Variants in ARL5C observed in about 807,000 individuals in gnomAD.
ARL5C encodes the protein putative ADP-ribosylation factor-like protein 5C.
A neutral mutation model predicts 20.8 loss-of-function variants in ARL5C; 21 were observed. That is an observed-to-expected ratio of 1.01 (90% CI 0.72 to 1.46). ARL5C has a LOEUF of 1.46. ARL5C is among the 40% of genes most tolerant of loss of function. The probability of loss-of-function intolerance (pLI) is 0.00; values close to 1 mark genes in which losing one functional copy is unlikely to be tolerated. For missense variants in ARL5C, 199 were observed against 225.1 expected (o/e 0.88, Z 0.74); for synonymous variants, 71 against 81.6 (o/e 0.87, Z 0.70).
chr17:39,161,846 A>T (rs920827473), intron 3 of ARL5C, among the ~76,000 whole-genome samples: 31 of 152,190 alleles, frequency 2.0e-4, no homozygotes, highest in African/African-American at 7.0e-4. Flanking sequence ...AGACATGGGA[A>T]TAGCACACCT....
chr17:39,166,013 G>A lies in ARL5C; in HGVS notation c.-253C>T. 1 of 536,746 alleles carries A rather than the reference G, an allele frequency of 1.9e-6. No homozygotes were observed. The highest frequency in any genetic ancestry group is 3.3e-6 in the Non-Finnish European group (1 of 298,580). The allele number at this position is 536,746 out of a possible 1,614,324, so 33.2% of individuals were successfully genotyped here. A position where few individuals can be genotyped will look rare whatever the true frequency, so the allele number is the denominator to read the frequency against. ...AGGTGCAAGGAATATGGGGGTTCCA[G>A]GCTCCAGCCCTCCCCCTCGCCCTGC... On this transcript the variant is annotated 5_prime_UTR_variant, in exon 1 of 6. Coordinates refer to ENST00000269586, the MANE Select transcript of ARL5C (RefSeq NM_001143968.1).
At chr17:39,165,657 G>C in intron 1 of ARL5C, 58 bp downstream of exon 1, 5 of 1,548,310 alleles carry the variant, frequency 3.2e-6, no homozygotes, top group Non-Finnish European at 4.4e-6. Context: ...CAGATCAGAG[G>C]AGTCCCAGAA....
At chr17:39,164,115 G>A (rs1196087549) in intron 2 of ARL5C, 1 of 151,864 alleles carries the variant, frequency 6.6e-6, no homozygotes, top group Non-Finnish European at 1.5e-5. Flanking sequence ...GTAGAGACGA[G>A]GTTTCACCAT....
intron 2 of ARL5C, among the ~76,000 whole-genome samples, chr17:39,163,346 CT>C (rs1173452819): frequency 5.4e-5 from 1 of 18,612 alleles, no homozygotes; most frequent in Non-Finnish European, 9.4e-5. Flanking sequence ...AGGCTTTTGC[CT>C]TTCTTTCTTT....
At chr17:39,162,907 A>T (rs1021661485) in intron 2 of ARL5C, 49 bp from the exon 3 acceptor site, 2 of 1,535,456 alleles carry the variant, frequency 1.3e-6, no homozygotes, top group Admixed American at 4.0e-5. Context: ...CCTACTCCCA[A>T]CTCTGGCCCC....
At chr17:39,156,863 CA>C (rs1567779338), downstream of ARL5C, 6 of 1,551,248 alleles carry the variant, frequency 3.9e-6, no homozygotes, top group Non-Finnish European at 5.2e-6. Context: ...TGCAAAACCC[CA>C]AAGTTTCTGG....
chr17:39,158,039 A>G (rs901840029), intron 5 of ARL5C, among the ~76,000 whole-genome samples: 2 of 144,894 alleles, frequency 1.4e-5, no homozygotes, highest in African/African-American at 5.0e-5. Context: ...CAGAGCTTGC[A>G]GTGAGCCGAG....
chr17:39,164,417 C>G (rs745720567), intron 2 of ARL5C: 1 of 152,078 alleles, frequency 6.6e-6, no homozygotes, highest in African/African-American at 2.4e-5. Flanking sequence ...TGAAAAGTTA[C>G]GCAAAGTTAC....
At chr17:39,156,965 G>A in intron 5 of ARL5C, 23 bp from the exon 6 acceptor site, 2 of 1,551,792 alleles carry the variant, frequency 1.3e-6, no homozygotes, top group Non-Finnish European at 1.7e-6. Context: ...AGGAACAGGA[G>A]GGGTCAGCCT....
At chr17:39,164,932 A>G (rs2045455055) in intron 2 of ARL5C, 147 bp downstream of exon 2, 5 of 733,376 alleles carry the variant, frequency 6.8e-6, no homozygotes, top group Non-Finnish European at 9.3e-6. Flanking sequence ...CCGCAGTACT[A>G]GGAAGGTCCA....
chr17:39,161,447 G>C (rs1321338542), intron 3 of ARL5C, 96 bp from the exon 4 acceptor site: 1 of 1,034,328 alleles, frequency 9.7e-7, no homozygotes, highest in African/African-American at 1.6e-5. Flanking sequence ...GCACTGCCCA[G>C]ATGTCAGCCC....
Position 39,165,904 on chromosome 17 carries a change from G to A in ARL5C, c.-144C>T. ...GGGAAGCCCCACACGTCACCAACCT[G>A]ACCTGGGAACCCTCTGGGACGCTGG... On this transcript the variant is annotated 5_prime_UTR_variant, in exon 1 of 6. Transcript: ENST00000269586. The A allele has an allele frequency of 4.3e-6, 4 of 923,606 alleles. No homozygotes were observed. The highest frequency in any genetic ancestry group is 1.5e-5 in the South Asian group (1 of 64,680). 57.2% of individuals were successfully genotyped at this position (923,606 alleles called of 1,614,324 possible). A position where few individuals can be genotyped will look rare whatever the true frequency, so the allele number is the denominator to read the frequency against.
rs1482131785 is a variant in ARL5C at position 39,165,845 on chromosome 17, C to CG, written c.-86dup. ...CCTGGTATTCGGAGCTCCGCTCCCCCGGGAGGGTCTGGCAGATTTTGCCTA... is the reference window on the plus strand; with the variant it reads ...CCTGGTATTCGGAGCTCCGCTCCCCCGGGGAGGGTCTGGCAGATTTTGCCTA... On this transcript the variant is annotated 5_prime_UTR_variant, in exon 1 of 6. Coordinates refer to ENST00000269586, the MANE Select transcript of ARL5C (RefSeq NM_001143968.1). 6.7e-7 allele frequency: 1 copy of CG among 1,487,580 alleles called. No individual in the cohort carries two copies. Among genetic ancestry groups the CG allele is most frequent in the Non-Finnish European group, 9.1e-7 (1 of 1,093,162 alleles). 92.1% of individuals were successfully genotyped at this position (1,487,580 alleles called of 1,614,324 possible).
chr17:39,163,390 C>CTTTCTT (rs1467186614), intron 2 of ARL5C, among the ~76,000 whole-genome samples: 1 of 146,932 alleles, frequency 6.8e-6, no homozygotes, highest in East Asian at 2.0e-4. Flanking sequence ...TTCTTTCTTT[C>CTTTCTT]TTTCTCTCTT....
chr17:39,158,129 G>GAGGA (rs1175373148), intron 5 of ARL5C, among the ~76,000 whole-genome samples: 6,460 of 94,432 alleles, frequency 0.068, 249 homozygotes, highest in African/African-American at 0.13. Flanking sequence ...GGGAGGGAGG[G>GAGGA]AGGAAGGAAG....
At chr17:39,160,481 G>T in intron 5 of ARL5C, 110 bp downstream of exon 5, 1 of 1,397,316 alleles carries the variant, frequency 7.2e-7, no homozygotes, top group East Asian at 2.5e-5. Context: ...TGGCCCAGGA[G>T]CCAACTGTGA....
At chr17:39,159,653 A>G (rs1039194256) in intron 5 of ARL5C, among the ~76,000 whole-genome samples, 2 of 152,114 alleles carry the variant, frequency 1.3e-5, no homozygotes, top group African/African-American at 4.8e-5. Flanking sequence ...CCCCTACCGG[A>G]AAGTAAGCTC....
chr17:39,160,782 GC>G (rs2045430661), intron 4 of ARL5C, 40 bp from the exon 5 acceptor site: 1 of 1,544,676 alleles, frequency 6.5e-7, no homozygotes, highest in East Asian at 2.4e-5. Flanking sequence ...GCCTGCTAGT[GC>G]CCAGCCTTCC....
chr17:39,161,050 T>TG lies in ARL5C; in HGVS notation c.339+217dup, dbSNP rs1452974706. On this transcript the variant is annotated intron_variant, in intron 4 of 5. Coordinates refer to ENST00000269586, the MANE Select transcript of ARL5C (RefSeq NM_001143968.1). ...CCAAAGTCCTACAGTGAATGAAAGA[T>TG]GGAGTTAGAACTTGAACCAGCAACT... is the stretch of plus-strand genomic sequence containing the variant. Among the ~76,000 whole-genome samples, 7 of 152,350 alleles carry TG rather than the reference T, an allele frequency of 4.6e-5. No individual in the cohort carries two copies. The East Asian group carries it at 1.3e-3, about 29-fold the overall frequency.
Sources: allele counts gnomAD v4.1 joint callset (sites outside exome capture counted in the v4.1 genomes callset), GRCh38; gene constraint gnomAD v4.1.1; transcripts MANE v1.5; gene names NCBI Gene and HGNC (gene_info 2026-07-23, HGNC 2026-07-21).